Variants in SENP6 observed in about 807,000 individuals in gnomAD.
SENP6 encodes the protein sentrin-specific protease 6.
In SENP6, 41 loss-of-function variants were observed where a neutral mutation model predicts 134.5. The observed-to-expected ratio is 0.30, with a 90% CI of 0.24 to 0.40. The LOEUF is 0.40. SENP6 is among the 10% of genes least tolerant of loss of function. SENP6 has a pLI of 1.00. For synonymous variants in SENP6, 395 were observed against 429.8 expected (o/e 0.92, Z 1.00); for missense variants, 1,248 against 1,312.5 (o/e 0.95, Z 0.76).
chr6:75,691,622 C>T (rs1385604092), intron 16 of SENP6, among the ~76,000 whole-genome samples: 6 of 150,042 alleles, frequency 4.0e-5, no homozygotes, highest in East Asian at 2.0e-4. Flanking sequence ...TTTTTTGAGA[C>T]GGAGCCTCGC....
intron 5 of SENP6, among the ~76,000 whole-genome samples, chr6:75,637,934 C>A (rs867605874): frequency 2.4e-4 from 36 of 152,256 alleles, no homozygotes; most frequent in African/African-American, 8.4e-4. Context: ...GATCTCCACT[C>A]ACTGCAGCCT....
At chr6:75,604,147 TGAA>T (rs1298541669) in intron 1 of SENP6, among the ~76,000 whole-genome samples, 2 of 152,192 alleles carry the variant, frequency 1.3e-5, no homozygotes, top group Non-Finnish European at 2.9e-5. Flanking sequence ...TCTAATTGGA[TGAA>T]CATAGGGAGG....
intron 3 of SENP6, among the ~76,000 whole-genome samples, chr6:75,626,845 T>G (rs1332243663): frequency 2.0e-5 from 3 of 152,234 alleles, no homozygotes; most frequent in Non-Finnish European, 4.4e-5. Flanking sequence ...CTTCACATAT[T>G]TCCTGTATTT....
chr6:75,687,739 A>G (rs1003790712), intron 16 of SENP6, among the ~76,000 whole-genome samples: 1 of 152,184 alleles, frequency 6.6e-6, no homozygotes, highest in Non-Finnish European at 1.5e-5. Context: ...GCAGAACAGC[A>G]AATATTGCTG....
At chr6:75,662,848 T>C (rs998781107) in intron 8 of SENP6, among the ~76,000 whole-genome samples, 1 of 152,168 alleles carries the variant, frequency 6.6e-6, no homozygotes, top group African/African-American at 2.4e-5. Context: ...TTATTATAGA[T>C]ACTAAAGTAA....
intron 1 of SENP6, among the ~76,000 whole-genome samples, chr6:75,617,076 G>A (rs1454503951): frequency 6.6e-6 from 1 of 151,678 alleles, no homozygotes; most frequent in African/African-American, 2.4e-5. Context: ...ACAGGATTTT[G>A]TCATGTTGCC....
chr6:75,663,630 T>A, intron 9 of SENP6, 112 bp downstream of exon 9: 2 of 802,942 alleles, frequency 2.5e-6, no homozygotes, highest in Non-Finnish European at 3.8e-6. Flanking sequence ...AATGTGAGCT[T>A]AAAACTAATC....
intron 2 of SENP6, chr6:75,622,674 T>G: frequency 1.5e-6 from 1 of 670,274 alleles, no homozygotes; most frequent in Non-Finnish European, 2.3e-6. Context: ...ACACACAAAG[T>G]TCTACCAAAA....
At chr6:75,675,815 T>G (rs1562036567) in intron 12 of SENP6, 45 bp from the exon 13 acceptor site, 1 of 1,497,076 alleles carries the variant, frequency 6.7e-7, no homozygotes, top group Middle Eastern at 1.8e-4. Context: ...TTCATGATAT[T>G]ACCCTCTTAA....
intron 13 of SENP6, 41 bp from the exon 14 acceptor site, chr6:75,676,983 TTACTTC>T: frequency 1.1e-6 from 1 of 875,546 alleles, no homozygotes; most frequent in Non-Finnish European, 1.7e-6. Flanking sequence ...AAGTATCTAT[TTACTTC>T]TTTTGTGTTT....
chr6:75,710,291 C>T (rs1045050640), intron 20 of SENP6, among the ~76,000 whole-genome samples: 1 of 152,052 alleles, frequency 6.6e-6, no homozygotes, highest in African/African-American at 2.4e-5. Flanking sequence ...CTTGGAGTCT[C>T]ATTTGCCCTA....
intron 18 of SENP6, among the ~76,000 whole-genome samples, chr6:75,698,737 G>A (rs1376751604): frequency 2.6e-5 from 4 of 152,166 alleles, no homozygotes; most frequent in Admixed American, 1.3e-4. Context: ...TTGGCTGGGC[G>A]TGGTGGCTCA....
intron 3 of SENP6, among the ~76,000 whole-genome samples, 181 bp from the exon 4 acceptor site, chr6:75,633,400 G>T (rs1230655517): frequency 6.6e-6 from 1 of 151,980 alleles, no homozygotes; most frequent in Non-Finnish European, 1.5e-5. Context: ...CTACAAATTT[G>T]CATTGTCTTT....
intron 6 of SENP6, among the ~76,000 whole-genome samples, chr6:75,646,032 C>G (rs892295895): frequency 6.6e-6 from 1 of 152,190 alleles, no homozygotes; most frequent in Admixed American, 6.5e-5. Flanking sequence ...TCATCAATCT[C>G]TATACATGCA....
intron 3 of SENP6, among the ~76,000 whole-genome samples, chr6:75,626,855 T>C (rs1768732921): frequency 6.6e-6 from 1 of 152,224 alleles, no homozygotes; most frequent in South Asian, 2.1e-4. Context: ...TTCCTGTATT[T>C]ACAGTGTAAG....
At chr6:75,707,049 T>C (rs1051724556) in intron 19 of SENP6, among the ~76,000 whole-genome samples, 7 of 152,350 alleles carry the variant, frequency 4.6e-5, no homozygotes, top group African/African-American at 1.7e-4. Flanking sequence ...CACCTCTCAA[T>C]TTACTCCAGA....
intron 1 of SENP6, among the ~76,000 whole-genome samples, chr6:75,606,542 C>T (rs1468774624): frequency 6.6e-6 from 1 of 151,986 alleles, no homozygotes; most frequent in Non-Finnish European, 1.5e-5. Context: ...AGTGTTCAGT[C>T]TAGTGAGGAA....
At chr6:75,623,167 G>A (rs1181509963) in intron 2 of SENP6, among the ~76,000 whole-genome samples, 7 of 146,306 alleles carry the variant, frequency 4.8e-5, no homozygotes, top group Non-Finnish European at 7.4e-5. Flanking sequence ...CTTCGAAAAC[G>A]TTGTATTTGA....
At chr6:75,638,586 G>GTA (rs1769729530) in intron 5 of SENP6, among the ~76,000 whole-genome samples, 1 of 29,444 alleles carries the variant, frequency 3.4e-5, no homozygotes, top group African/African-American at 1.3e-4. Flanking sequence ...GTGTGTGTGT[G>GTA]TGTGTATATA....
Sources: gnomAD v4.1 joint callset for allele counts (sites outside exome capture counted in the v4.1 genomes callset) on GRCh38, gnomAD v4.1.1 for gene constraint, MANE v1.5 for transcripts, NCBI Gene and HGNC (gene_info 2026-07-23, HGNC 2026-07-21) for gene names.